The following WASHC5 variants were observed in gnomAD, a reference collection of about 807,000 sequenced individuals.
WASHC5 encodes WASH complex subunit strumpellin.
A neutral mutation model predicts 150.4 loss-of-function variants in WASHC5; 101 were observed. The ratio of observed to expected loss-of-function variants is 0.67; its 90% CI spans 0.57 to 0.79. The LOEUF is 0.79. Ranked by LOEUF, WASHC5 falls within the 30% of genes least tolerant of loss-of-function variation. The pLI, the probability that WASHC5 is intolerant of heterozygous loss-of-function variation, is 0.00. For missense variants in WASHC5, 1,195 were observed against 1,396.3 expected (o/e 0.86, Z 2.30); for synonymous variants, 467 against 491.2 (o/e 0.95, Z 0.65).
Position 125,075,090 on chromosome 8 carries a change from T to A in WASHC5, c.886A>T (p.Ile296Phe). The A allele has an allele frequency of 8.1e-6, 13 of 1,608,170 alleles. No homozygotes were observed. Among genetic ancestry groups the A allele is most frequent in the Non-Finnish European group, 1.1e-5 (13 of 1,174,778 alleles). ...DNWVISIYMG[I>F]TVNLVDAWEP... is the part of the protein sequence containing the mutation. Reference sequence around the variant, plus strand: ...CAAGCATCTACTAGATTAACTGTGATCCCCATGTAAATACTAATTACCTGA... The same window carrying A: ...CAAGCATCTACTAGATTAACTGTGAACCCCATGTAAATACTAATTACCTGA... Residue 296 changes from isoleucine (I) to phenylalanine (F), a missense_variant, in exon 8 of 29, where the codon ATC becomes TTC. Around this residue, in one of 3 missense-constraint regions of WASHC5, gnomAD observed 997 missense variants for 1,168.1 expected, o/e 0.85. Transcript: ENST00000318410.
chr8:125,076,011 G>A (rs1006390660), intron 7 of WASHC5, among the ~76,000 whole-genome samples: 3 of 152,108 alleles, frequency 2.0e-5, no homozygotes. Flanking sequence ...GATGAATTTG[G>A]CTATCTTAGA....
At chr8:125,070,449 G>A (rs1320616179) in intron 9 of WASHC5, among the ~76,000 whole-genome samples, 1 of 152,192 alleles carries the variant, frequency 6.6e-6, no homozygotes, top group East Asian at 1.9e-4. Context: ...CCCTGGCATG[G>A]GTGCGAATTC....
intron 20 of WASHC5, among the ~76,000 whole-genome samples, chr8:125,045,394 T>C (rs1424397373): frequency 6.6e-6 from 1 of 152,210 alleles, no homozygotes; most frequent in African/African-American, 2.4e-5. Flanking sequence ...ATTTTATAGA[T>C]AATTGAGGCT....
chr8:125,087,240 A>G (rs1035409863), intron 1 of WASHC5, among the ~76,000 whole-genome samples: 14 of 152,302 alleles, frequency 9.2e-5, no homozygotes, highest in African/African-American at 2.9e-4. Context: ...AATAATGTCC[A>G]TGTAGCTATT....
At chr8:125,058,069 T>C (rs186724836) in intron 14 of WASHC5, among the ~76,000 whole-genome samples, 1 of 151,416 alleles carries the variant, frequency 6.6e-6, no homozygotes, top group Non-Finnish European at 1.5e-5. Flanking sequence ...ACGTTCTGAT[T>C]GACGTTCTGA....
At chr8:125,090,188 G>A (rs566330538) in intron 1 of WASHC5, among the ~76,000 whole-genome samples, 1 of 152,292 alleles carries the variant, frequency 6.6e-6, no homozygotes, top group South Asian at 2.1e-4. Context: ...TGTAACAAAT[G>A]GAATTTCCAT....
At position 125,024,432 on chromosome 8, in the gene WASHC5, AAAC is replaced by A; in HGVS notation, c.*182_*184del. The A allele has an allele frequency of 3.1e-6, 2 of 638,800 alleles. No individual in the cohort carries two copies. Among genetic ancestry groups the A allele is most frequent in the Admixed American group, 5.4e-5 (2 of 37,130 alleles). 39.6% of individuals were successfully genotyped at this position (638,800 alleles called of 1,614,324 possible). On this transcript the variant is annotated 3_prime_UTR_variant, in exon 29 of 29. Coordinates refer to ENST00000318410, the MANE Select transcript of WASHC5 (RefSeq NM_014846.4). ...TAAATTGCATGTAATACCATGATTT[AAAC>A]AATATCAGTTATATTAACTAATGCC...
chr8:125,042,641 A>G (rs1815926392), intron 23 of WASHC5, among the ~76,000 whole-genome samples: 4 of 152,146 alleles, frequency 2.6e-5, no homozygotes, highest in Admixed American at 2.6e-4. Context: ...AATCCCTGTA[A>G]TCCCCCTAAC....
At chr8:125,031,564 C>G (rs1485756340) in intron 27 of WASHC5, among the ~76,000 whole-genome samples, 1 of 152,114 alleles carries the variant, frequency 6.6e-6, no homozygotes, top group African/African-American at 2.4e-5. Flanking sequence ...CTGTGCCCAG[C>G]CGCTTTGATT....
At position 125,091,737 on chromosome 8, in the gene WASHC5, G is replaced by C. The variant is rs1220002728; in HGVS notation, c.-247C>G. 6.6e-6 allele frequency: 1 copy of C among 152,372 alleles called. No homozygotes were observed. Among genetic ancestry groups the C allele is most frequent in the East Asian group, 1.9e-4 (1 of 5,196 alleles). 9.4% of individuals were successfully genotyped at this position (152,372 alleles called of 1,614,324 possible). On this transcript the variant is annotated 5_prime_UTR_variant, in exon 1 of 29. Transcript: ENST00000318410. The stretch of plus-strand genomic sequence containing the variant: ...TTCTATCCGCAGTCCCGGACCTGGA[G>C]CGGGTCAGACCCCGACTTCCGCCCC...
chr8:125,071,121 A>G (rs1248459947), intron 9 of WASHC5, among the ~76,000 whole-genome samples: 1 of 152,234 alleles, frequency 6.6e-6, no homozygotes, highest in African/African-American at 2.4e-5. Flanking sequence ...GTCCTCAAGG[A>G]AAGTTTGTTG....
chr8:125,048,876 C>A, intron 19 of WASHC5, 130 bp downstream of exon 19: 1 of 740,412 alleles, frequency 1.4e-6, no homozygotes, highest in Non-Finnish European at 2.2e-6. Context: ...CCTCCTGGCT[C>A]CTGAAAGTAC....
At chr8:125,079,143 T>G (rs1303672471) in intron 5 of WASHC5, among the ~76,000 whole-genome samples, 2 of 105,590 alleles carry the variant, frequency 1.9e-5, no homozygotes, top group Non-Finnish European at 3.4e-5. Context: ...TATATATACA[T>G]TTTTTTTTGA....
At position 125,057,542 on chromosome 8, in the gene WASHC5, G is replaced by T; in HGVS notation, c.1875+14C>A. 2 of 1,499,348 alleles carry T rather than the reference G, an allele frequency of 1.3e-6. No individual in the cohort carries two copies. The highest frequency in any genetic ancestry group is 1.9e-6 in the Non-Finnish European group (2 of 1,077,194). 92.9% of individuals were successfully genotyped at this position (1,499,348 alleles called of 1,614,324 possible). On this transcript the variant is annotated intron_variant, in intron 15 of 28. Coordinates refer to ENST00000318410, the MANE Select transcript of WASHC5 (RefSeq NM_014846.4). ...ATCTGGCAAGAGTAAATATCACCCT[G>T]ATGCATTTCTTACTTTTCTCACATA...
At chr8:125,030,722 G>A (rs1055800880) in intron 27 of WASHC5, among the ~76,000 whole-genome samples, 64 of 146,972 alleles carry the variant, frequency 4.4e-4, no homozygotes, top group African/African-American at 1.5e-3. Context: ...GAATGAAGAC[G>A]TGTAATACTC....
intron 17 of WASHC5, among the ~76,000 whole-genome samples, chr8:125,055,331 G>A (rs1184578232): frequency 1.3e-5 from 2 of 152,110 alleles, no homozygotes; most frequent in Non-Finnish European, 2.9e-5. Context: ...GCTGAGGCAT[G>A]AGAATCACTT....
chr8:125,039,759 A>G (rs1815831188), intron 24 of WASHC5, 36 bp downstream of exon 24: 4 of 1,396,314 alleles, frequency 2.9e-6, no homozygotes, highest in South Asian at 1.2e-5. Flanking sequence ...AAACAATCCA[A>G]GCCCACGGAT....
At chr8:125,054,645 C>G (rs1382164259) in intron 17 of WASHC5, among the ~76,000 whole-genome samples, 1 of 151,694 alleles carries the variant, frequency 6.6e-6, no homozygotes, top group Non-Finnish European at 1.5e-5. Flanking sequence ...CACGGTGAAA[C>G]CCTGTCTCTA....
At chr8:125,086,714 G>A (rs968533989) in intron 1 of WASHC5, among the ~76,000 whole-genome samples, 1 of 152,208 alleles carries the variant, frequency 6.6e-6, no homozygotes. Flanking sequence ...CCTAAGCCTT[G>A]AGAAGGCCTG....
Sources: allele counts gnomAD v4.1 joint callset (sites outside exome capture counted in the v4.1 genomes callset), GRCh38; gene constraint gnomAD v4.1.1; regional missense constraint gnomAD v4.1.1; transcripts MANE v1.5; gene names NCBI Gene and HGNC (gene_info 2026-07-23, HGNC 2026-07-21).